The following CORO7 variants were observed in gnomAD, a reference collection of about 807,000 sequenced individuals.
The protein encoded by CORO7 is coronin-7.
A neutral mutation model predicts 126.6 loss-of-function variants in CORO7; 107 were observed. That is an observed-to-expected ratio of 0.85 (90% CI 0.72 to 0.99). The LOEUF is 0.99. CORO7 is among the 50% of genes least tolerant of loss of function. The pLI is 0.00. For synonymous variants in CORO7, 603 were observed against 536.8 expected (o/e 1.12, Z -1.70); for missense variants, 1,314 against 1,255.8 (o/e 1.05, Z -0.70).
In CORO7 at chr16:4,416,563, T is replaced by A. The variant is rs1023219251; in HGVS notation, c.-45A>T. On this transcript the variant is annotated 5_prime_UTR_variant, in exon 1 of 28. Coordinates refer to ENST00000251166, the MANE Select transcript of CORO7 (RefSeq NM_024535.5). ...GACGCGTCTTCGAGGACCCCGGGCGTCGGGTCTCAGGTGCACGCTGAGCAA... is the reference window on the plus strand; with the variant it reads ...GACGCGTCTTCGAGGACCCCGGGCGACGGGTCTCAGGTGCACGCTGAGCAA... The A allele has an allele frequency of 6.4e-7, 1 of 1,569,914 alleles. No homozygotes were observed. The highest frequency in any genetic ancestry group is 8.6e-7 in the Non-Finnish European group (1 of 1,161,998).
Position 4,394,630 on chromosome 16 carries a change from T to C in CORO7, c.615+659A>G, listed in dbSNP as rs900595779. Among the ~76,000 whole-genome samples, 3 of 152,166 alleles carry C rather than the reference T, an allele frequency of 2.0e-5. No homozygotes were observed. The East Asian group carries it at 5.8e-4, about 29-fold the overall frequency. ...CCGGGCCAGTTACTCAGGGAAGCAC[T>C]AAACCAGCCCAGCAAGAGAAGCCCC... On this transcript the variant is annotated intron_variant, in intron 7 of 27. Transcript: ENST00000251166.
chr16:4,414,532 G>A (rs1354250560), intron 1 of CORO7: 1 of 152,146 alleles, frequency 6.6e-6, no homozygotes, highest in East Asian at 1.9e-4. Context: ...TTCTATATCA[G>A]TGTTCACCTG....
Position 4,359,440 on chromosome 16 carries a change from C to G in CORO7, c.2250+40G>C, listed in dbSNP as rs569923937. On this transcript the variant is annotated intron_variant, in intron 22 of 27. Transcript: ENST00000251166. ...TCCGGCAACACTGGCCTTCCCCCCA[C>G]CACCTCTCACCTGCCATCCCGCCCT... is the stretch of plus-strand genomic sequence containing the variant. The G allele has an allele frequency of 1.2e-5, 20 of 1,613,344 alleles. No individual in the cohort carries two copies. In the South Asian group the frequency reaches 1.6e-4, roughly 13 times the overall value.
At chr16:4,385,575 C>T (rs1443037319) in intron 9 of CORO7, among the ~76,000 whole-genome samples, 1 of 152,148 alleles carries the variant, frequency 6.6e-6, no homozygotes, top group Non-Finnish European at 1.5e-5. Context: ...CTCTCGTTAT[C>T]CCCCCACCTC....
chr16:4,398,092 A>T lies in CORO7; in HGVS notation c.565-2753T>A, dbSNP rs112057790. ...CACCAGGCCCTGCTAATGTTTTAAT[A>T]TTTCTTTCGTAGAGATGAGGTCTCA... On this transcript the variant is annotated intron_variant, in intron 6 of 27. Coordinates refer to ENST00000251166, the MANE Select transcript of CORO7 (RefSeq NM_024535.5). Among the ~76,000 whole-genome samples, 557 of 150,194 alleles carry T rather than the reference A, an allele frequency of 3.7e-3. 6 individuals carry two copies. The highest frequency in any genetic ancestry group is 0.013 in the African/African-American group (534 of 40,776).
In CORO7 at chr16:4,354,876, G is replaced by T; in HGVS notation, c.*282C>A. Reference sequence around the variant, plus strand: ...GACCAGGGGAGACAGGGTGCCCAGGGCCTGCCCAGGGACATGCTGCTGACC... The same window carrying T: ...GACCAGGGGAGACAGGGTGCCCAGGTCCTGCCCAGGGACATGCTGCTGACC... On this transcript the variant is annotated 3_prime_UTR_variant, in exon 28 of 28. Coordinates refer to ENST00000251166, the MANE Select transcript of CORO7 (RefSeq NM_024535.5). The T allele has an allele frequency of 4.8e-6, 2 of 417,790 alleles. No homozygotes were observed. The highest frequency in any genetic ancestry group is 8.5e-6 in the Non-Finnish European group (2 of 236,116). The allele number at this position is 417,790 out of a possible 1,614,324, so 25.9% of individuals were successfully genotyped here.
At chr16:4,412,647 T>C in intron 2 of CORO7, 1 of 559,450 alleles carries the variant, frequency 1.8e-6, no homozygotes, top group Non-Finnish European at 3.2e-6. Context: ...ACAGAAGACA[T>C]TAGGCGAGAG....
chr16:4,362,794 G>T lies in CORO7; in HGVS notation c.1276-56C>A. On this transcript the variant is annotated intron_variant, in intron 14 of 27. Transcript: ENST00000251166. The surrounding 1 kb of genome is among the most constrained non-coding windows in gnomAD (Gnocchi z 5.3). ...CTCCTAGGTGTACTGGCCAAAAGGA[G>T]GGGGTGCCAGCGGACTCCAGGGTCA... 1 of 1,286,224 alleles carries T rather than the reference G, an allele frequency of 7.8e-7. No homozygotes were observed. The allele number at this position is 1,286,224 out of a possible 1,614,324, so 79.7% of individuals were successfully genotyped here.
chr16:4,384,148 G>A (rs928772175), intron 9 of CORO7, among the ~76,000 whole-genome samples: 5 of 152,198 alleles, frequency 3.3e-5, no homozygotes, highest in East Asian at 1.9e-4. Context: ...GAAAGGGGCC[G>A]AGCCCCAGTG....
At chr16:4,395,163 A>G (rs1301878136) in intron 7 of CORO7, 126 bp downstream of exon 7, 17 of 1,365,454 alleles carry the variant, frequency 1.2e-5, no homozygotes, top group Non-Finnish European at 1.7e-5. Context: ...CCTCCTGGGG[A>G]CCCCTGGTGC....
intron 16 of CORO7, 172 bp downstream of exon 16, chr16:4,361,813 G>A: frequency 9.5e-7 from 1 of 1,055,068 alleles, no homozygotes; most frequent in South Asian, 1.4e-5. Flanking sequence ...TCTGTAAAAT[G>A]GGGATAAAAG....
In CORO7 at chr16:4,407,551, G is replaced by C. The variant is rs758114264; in HGVS notation, c.437C>G (p.Ala146Gly). 2.4e-5 allele frequency: 38 copies of C among 1,581,908 alleles called. No individual in the cohort carries two copies. Among genetic ancestry groups the C allele is most frequent in the Non-Finnish European group, 3.2e-5 (37 of 1,164,104 alleles). The change falls in exon 5 of 28, where the codon GCA (alanine) becomes GGA (glycine). Residue 146 changes from alanine (A) to glycine (G), a missense_variant. Coordinates refer to ENST00000251166, the MANE Select transcript of CORO7 (RefSeq NM_024535.5). ...PTSDGILVSA[A>G]GTTVKVWDAA... ...GTCCCAGACCTTCACAGTGGTGCCT[G>C]CTGCGCTCACCAGAATGCCGTCAGA...
intron 10 of CORO7, 109 bp from the exon 11 acceptor site, chr16:4,365,169 C>T: frequency 1.3e-6 from 2 of 1,494,852 alleles, no homozygotes; most frequent in South Asian, 1.2e-5. Context: ...CACAGAACCA[C>T]AGTGGCTGGA....
chr16:4,393,863 G>A (rs1228944833), intron 7 of CORO7, among the ~76,000 whole-genome samples: 7 of 152,186 alleles, frequency 4.6e-5, no homozygotes, highest in Non-Finnish European at 1.0e-4. Flanking sequence ...CACTTTGGCA[G>A]GCCGAGGAGG....
At chr16:4,389,939 G>A (rs929545441) in intron 7 of CORO7, among the ~76,000 whole-genome samples, 9 of 152,178 alleles carry the variant, frequency 5.9e-5, no homozygotes, top group South Asian at 2.1e-4. Context: ...CAGTGGGGCC[G>A]GATGGTTCTC....
intron 6 of CORO7, among the ~76,000 whole-genome samples, chr16:4,400,848 C>G (rs1238656999): frequency 7.1e-6 from 1 of 141,568 alleles, no homozygotes; most frequent in Non-Finnish European, 1.6e-5. Flanking sequence ...ACCATTGGTT[C>G]CTCAATTGAA....
Position 4,365,584 on chromosome 16 carries a change from G to T in CORO7, c.786-39C>A, listed in dbSNP as rs375530638. ...GGCAAGATGGCGGGTCAGGGCAGTGGGAGGGCTGCCAGACTCGTAACCCCA... is the reference window on the plus strand; with the variant it reads ...GGCAAGATGGCGGGTCAGGGCAGTGTGAGGGCTGCCAGACTCGTAACCCCA... On this transcript the variant is annotated intron_variant, in intron 9 of 27. Coordinates refer to ENST00000251166, the MANE Select transcript of CORO7 (RefSeq NM_024535.5). 5.4e-5 allele frequency: 84 copies of T among 1,558,684 alleles called. No individual in the cohort carries two copies. The African/African-American group carries it at 1.1e-3, about 20-fold the overall frequency.
intron 6 of CORO7, among the ~76,000 whole-genome samples, chr16:4,404,852 TC>T (rs35143642): frequency 6.6e-6 from 1 of 152,054 alleles, no homozygotes. Flanking sequence ...TCCATGTGGT[TC>T]CAAATGCGAA....
At chr16:4,381,660 C>T (rs748307575) in intron 9 of CORO7, 50 of 1,603,712 alleles carry the variant, frequency 3.1e-5, no homozygotes, top group Admixed American at 8.5e-5. Context: ...AGGACCTGGC[C>T]GGCCTGGCTG....
Sources: allele counts gnomAD v4.1 joint callset (sites outside exome capture counted in the v4.1 genomes callset), GRCh38; gene constraint gnomAD v4.1.1; non-coding constraint Gnocchi (gnomAD v3.1); transcripts MANE v1.5; gene names NCBI Gene and HGNC (gene_info 2026-07-23, HGNC 2026-07-21).